Variants in PDHX observed in about 807,000 individuals in gnomAD.
The protein encoded by PDHX is pyruvate dehydrogenase protein X component, mitochondrial.
Under a neutral mutation model 55.3 loss-of-function variants are expected in PDHX, and 33 were observed. The observed-to-expected ratio is 0.60, with a 90% confidence interval of 0.45 to 0.80. The LOEUF (loss-of-function observed/expected upper bound fraction) is 0.80, where lower values mean the gene tolerates loss of function less well. Ranked by LOEUF, PDHX falls within the 30% of genes least tolerant of loss-of-function variation. PDHX has a pLI of 0.00. For synonymous variants in PDHX, 226 were observed against 219.4 expected (o/e 1.03, Z -0.27); for missense variants, 622 against 619.9 (o/e 1.00, Z -0.04).
At chr11:34,927,894 A>T (rs1275751199) in intron 1 of PDHX, among the ~76,000 whole-genome samples, 1 of 152,106 alleles carries the variant, frequency 6.6e-6, no homozygotes, top group African/African-American at 2.4e-5. Context: ...CTACTACAGA[A>T]TTTTTGTATT....
chr11:34,981,221 A>G (rs891207333), intron 8 of PDHX, among the ~76,000 whole-genome samples: 7 of 151,916 alleles, frequency 4.6e-5, no homozygotes, highest in African/African-American at 7.3e-5. Context: ...CCATTGTTCA[A>G]TTCCCACCTA....
upstream of PDHX, chr11:34,915,997 C>T: frequency 1.7e-6 from 1 of 598,342 alleles, no homozygotes; most frequent in Non-Finnish European, 2.9e-6. Flanking sequence ...ACGTTTGGCG[C>T]CCAGCTCCCG....
chr11:34,953,619 C>CT (rs1854832859), intron 3 of PDHX, among the ~76,000 whole-genome samples: 1 of 152,104 alleles, frequency 6.6e-6, no homozygotes, highest in Non-Finnish European at 1.5e-5. Context: ...ATACAGACAC[C>CT]ATCTTGAGGT....
Position 34,978,137 on chromosome 11 carries a change from AT to A in PDHX, c.979del (p.Ser327GlnfsTer2). 1 of 1,556,820 alleles carries A rather than the reference AT, an allele frequency of 6.4e-7. No individual in the cohort carries two copies. The highest frequency in any genetic ancestry group is 8.9e-7 in the Non-Finnish European group (1 of 1,128,582). On this transcript the variant is annotated frameshift_variant, in exon 8 of 11. Coordinates refer to ENST00000227868, the MANE Select transcript of PDHX (RefSeq NM_003477.3). LOFTEE classifies it high-confidence loss of function. The stretch of plus-strand genomic sequence containing the variant: ...TTTTTCTTTCAGATGACATTAAAGT[AT>A]CAGTAAATGATTTTATCATCAAGGC... ...QDLVKDDIKVSVNDFIIKAAA... is the reference protein window; with the variant it reads ...QDLVKDDIKVXVNDFIIKAAA...
At chr11:34,946,383 C>T (rs1323422419) in intron 2 of PDHX, among the ~76,000 whole-genome samples, 3 of 152,014 alleles carry the variant, frequency 2.0e-5, no homozygotes, top group Non-Finnish European at 2.9e-5. Context: ...ACAGATTGCA[C>T]TAAATAAATT....
chr11:34,975,145 C>G (rs1855338481), intron 7 of PDHX, among the ~76,000 whole-genome samples: 1 of 151,832 alleles, frequency 6.6e-6, no homozygotes, highest in Non-Finnish European at 1.5e-5. Flanking sequence ...AATATTTGTT[C>G]CATTGTATAT....
At chr11:34,974,623 C>G (rs531637783) in intron 7 of PDHX, among the ~76,000 whole-genome samples, 2 of 152,246 alleles carry the variant, frequency 1.3e-5, no homozygotes, top group African/African-American at 4.8e-5. Context: ...ATTTTGCATT[C>G]CCACTAATGG....
chr11:34,940,635 G>A (rs1157552969), intron 2 of PDHX, among the ~76,000 whole-genome samples: 1 of 152,112 alleles, frequency 6.6e-6, no homozygotes, highest in Non-Finnish European at 1.5e-5. Context: ...ATGGAGTTGT[G>A]CAGCCATCAC....
intron 3 of PDHX, among the ~76,000 whole-genome samples, chr11:34,956,163 G>A (rs1030863801): frequency 6.6e-6 from 1 of 151,732 alleles, no homozygotes; most frequent in Non-Finnish European, 1.5e-5. Context: ...TCCATAGCTT[G>A]TAATTCATTA....
chr11:34,964,188 A>G (rs1855080002), intron 5 of PDHX, among the ~76,000 whole-genome samples: 1 of 152,222 alleles, frequency 6.6e-6, no homozygotes, highest in Non-Finnish European at 1.5e-5. Context: ...CTCCAAGTTT[A>G]GTCTGATTAT....
chr11:34,941,762 A>G (rs1013593303), intron 2 of PDHX: 2 of 154,398 alleles, frequency 1.3e-5, no homozygotes, highest in Non-Finnish European at 2.9e-5. Context: ...ATTTAAAAAG[A>G]GAAAGGGAAG....
intron 2 of PDHX, among the ~76,000 whole-genome samples, chr11:34,945,329 A>G (rs991784023): frequency 4.6e-5 from 7 of 152,166 alleles, no homozygotes; most frequent in Non-Finnish European, 7.4e-5. Context: ...AATTTTCACA[A>G]TAACTTGTTT....
intron 3 of PDHX, among the ~76,000 whole-genome samples, chr11:34,950,202 A>G (rs1054220974): frequency 2.6e-5 from 4 of 152,004 alleles, no homozygotes; most frequent in Non-Finnish European, 5.9e-5. Context: ...TTGAAAGTTT[A>G]TGGTTGAAAT....
At chr11:34,993,321 A>C (rs1855794017) in intron 10 of PDHX, among the ~76,000 whole-genome samples, 1 of 151,986 alleles carries the variant, frequency 6.6e-6, no homozygotes, top group African/African-American at 2.4e-5. Context: ...CCTATTTATC[A>C]GTATTTTTCT....
intron 1 of PDHX, among the ~76,000 whole-genome samples, chr11:34,921,446 C>CTGAT (rs1853876413): frequency 6.6e-6 from 1 of 151,388 alleles, no homozygotes; most frequent in African/African-American, 2.4e-5. Context: ...AATAGAGAAA[C>CTGAT]TGACCCAAAG....
intron 7 of PDHX, among the ~76,000 whole-genome samples, chr11:34,972,067 T>G (rs932557757): frequency 1.2e-4 from 19 of 152,128 alleles, no homozygotes; most frequent in African/African-American, 4.6e-4. Flanking sequence ...TCTGAAGTAA[T>G]GTTTCTGTTT....
chr11:34,964,031 C>G (rs1054550770), intron 5 of PDHX, among the ~76,000 whole-genome samples: 1 of 152,208 alleles, frequency 6.6e-6, no homozygotes, highest in Non-Finnish European at 1.5e-5. Context: ...ATGAATTGCT[C>G]TCTCAGGGAA....
chr11:34,983,714 C>T (rs1224870389), intron 8 of PDHX, among the ~76,000 whole-genome samples: 1 of 152,072 alleles, frequency 6.6e-6, no homozygotes, highest in African/African-American at 2.4e-5. Flanking sequence ...ATCCAACTTA[C>T]AAGGGAGGTG....
In PDHX at chr11:34,970,256, G is replaced by GT; in HGVS notation, c.938dup (p.Leu313PhefsTer4). 6.2e-7 allele frequency: 1 copy of GT among 1,613,756 alleles called. No individual in the cohort carries two copies. Among genetic ancestry groups the GT allele is most frequent in the Non-Finnish European group, 8.5e-7 (1 of 1,179,758 alleles). Reference sequence around the variant, plus strand: ...TACTGCTGACTGTGACCTTGGAGCTGTTTTAAAAGTTAGGCAAGATCTGGT... The same window carrying GT: ...TACTGCTGACTGTGACCTTGGAGCTGTTTTTAAAAGTTAGGCAAGATCTGGT... On this transcript the variant is annotated frameshift_variant, in exon 7 of 11. Coordinates refer to ENST00000227868, the MANE Select transcript of PDHX (RefSeq NM_003477.3). LOFTEE classifies it high-confidence loss of function.
Sources: allele counts gnomAD v4.1 joint callset (sites outside exome capture counted in the v4.1 genomes callset), GRCh38; gene constraint gnomAD v4.1.1; transcripts MANE v1.5; gene names NCBI Gene and HGNC (gene_info 2026-07-23, HGNC 2026-07-21).